The following OSBPL10 variants were observed in gnomAD, a reference collection of about 807,000 sequenced individuals.
OSBPL10 encodes oxysterol binding protein like 10.
In OSBPL10, 49 loss-of-function variants were observed where a neutral mutation model predicts 81.7. The observed-to-expected ratio is 0.60, with a 90% CI of 0.48 to 0.76. OSBPL10 has a LOEUF of 0.76. Among genes scored for constraint, OSBPL10 ranks in the 30% least tolerant of loss-of-function variants. The pLI is 0.00. For missense variants in OSBPL10, 923 were observed against 987.8 expected (o/e 0.93, Z 0.88); for synonymous variants, 419 against 383.6 (o/e 1.09, Z -1.08).
chr3:31,740,013 G>T (rs1697290812), intron 5 of OSBPL10, among the ~76,000 whole-genome samples: 1 of 151,238 alleles, frequency 6.6e-6, no homozygotes, highest in Admixed American at 6.6e-5. Context: ...ATCTCACCCT[G>T]GTCCCAGCTC....
At chr3:32,001,025 T>C (rs1343044923) in intron 2 of OSBPL10, among the ~76,000 whole-genome samples, 7 of 152,140 alleles carry the variant, frequency 4.6e-5, no homozygotes, top group Non-Finnish European at 1.0e-4. Context: ...GTGGACAAGG[T>C]CAATGTGCTA....
chr3:32,066,527 C>T (rs1699782359), intron 1 of OSBPL10: 1 of 152,212 alleles, frequency 6.6e-6, no homozygotes, highest in Non-Finnish European at 1.5e-5. Context: ...CACAGCAAAC[C>T]TGTACCACCT....
chr3:32,072,391 CCTT>C (rs1279062890), intron 1 of OSBPL10, among the ~76,000 whole-genome samples: 1 of 150,584 alleles, frequency 6.6e-6, no homozygotes, highest in African/African-American at 2.4e-5. Flanking sequence ...CAGTTTTTCT[CCTT>C]CTCATCAGTC....
At chr3:31,829,940 C>CA in intron 4 of OSBPL10, 100 bp downstream of exon 4, 3 of 1,245,240 alleles carry the variant, frequency 2.4e-6, no homozygotes, top group Non-Finnish European at 3.3e-6. Context: ...GTCCTCTCTC[C>CA]ATAAATCAAG....
intron 7 of OSBPL10, among the ~76,000 whole-genome samples, chr3:31,688,895 A>G (rs1013490371): frequency 6.6e-6 from 1 of 151,906 alleles, no homozygotes; most frequent in African/African-American, 2.4e-5. Context: ...TCTGCCCCAC[A>G]CTCTTCTGGA....
intron 1 of OSBPL10, among the ~76,000 whole-genome samples, chr3:31,937,427 T>C (rs9881981): frequency 0.59 from 88,995 of 152,056 alleles, 27,207 homozygotes; most frequent in African/African-American, 0.77. Context: ...CCAACTTGCC[T>C]CAAGGCAGAA....
intron 2 of OSBPL10, among the ~76,000 whole-genome samples, chr3:32,031,162 T>C (rs1195859644): frequency 6.9e-6 from 1 of 145,386 alleles, no homozygotes; most frequent in Non-Finnish European, 1.5e-5. Context: ...AGACTCCATC[T>C]CAAAAAAAAA....
In OSBPL10 at chr3:31,963,050, G is replaced by A. The variant is rs537353308; in HGVS notation, c.281+17849C>T. 5.3e-5 allele frequency among the ~76,000 whole-genome samples: 8 copies of A among 152,216 alleles called. No homozygotes were observed. In the South Asian group the frequency reaches 1.7e-3, roughly 32 times the overall value. On this transcript the variant is annotated intron_variant, in intron 1 of 11. Transcript: ENST00000396556. ...TTCCTTGTTTTCTGTTTTTTTAAAT[G>A]TGTACTTTGAAATGACTCAAACTTA...
At chr3:31,911,237 T>C (rs927261202) in intron 1 of OSBPL10, among the ~76,000 whole-genome samples, 10 of 152,252 alleles carry the variant, frequency 6.6e-5, no homozygotes, top group Admixed American at 6.5e-4. Context: ...TTCCAACTAC[T>C]CAACTTCAAC....
At chr3:32,013,466 G>A (rs1378136323) in intron 2 of OSBPL10, among the ~76,000 whole-genome samples, 10 of 152,104 alleles carry the variant, frequency 6.6e-5, no homozygotes, top group Admixed American at 6.5e-4. Flanking sequence ...GAAATTTACA[G>A]CACTAAATGC....
chr3:31,771,292 G>A (rs545001749), intron 4 of OSBPL10, among the ~76,000 whole-genome samples: 1 of 152,190 alleles, frequency 6.6e-6, no homozygotes, highest in South Asian at 2.1e-4. Flanking sequence ...ATTGTGGCAG[G>A]CCAGGTCTAA....
chr3:31,992,163 GAT>G (rs1699040157), intron 2 of OSBPL10, among the ~76,000 whole-genome samples: 1 of 144,798 alleles, frequency 6.9e-6, no homozygotes, highest in Non-Finnish European at 1.5e-5. Context: ...AAAAAAAAAA[GAT>G]ATGTCAGTGT....
chr3:31,918,726 C>T (rs1696827947), intron 1 of OSBPL10, among the ~76,000 whole-genome samples: 1 of 152,082 alleles, frequency 6.6e-6, no homozygotes, highest in African/African-American at 2.4e-5. Context: ...ATTTCCTGTG[C>T]CATGTGGAAT....
At chr3:31,833,383 AAAT>A (rs1700290695) in intron 3 of OSBPL10, among the ~76,000 whole-genome samples, 2 of 152,190 alleles carry the variant, frequency 1.3e-5, no homozygotes, top group African/African-American at 4.8e-5. Context: ...TTAAAAAGAG[AAAT>A]AATAATATTG....
chr3:31,924,646 A>G (rs1309290758), intron 1 of OSBPL10, among the ~76,000 whole-genome samples: 4 of 152,270 alleles, frequency 2.6e-5, no homozygotes, highest in African/African-American at 9.6e-5. Flanking sequence ...CTTGACTTGA[A>G]TATTGAATTC....
chr3:31,733,839 T>C (rs1357205577), intron 5 of OSBPL10, among the ~76,000 whole-genome samples: 1 of 151,588 alleles, frequency 6.6e-6, no homozygotes, highest in Non-Finnish European at 1.5e-5. Flanking sequence ...TGAAACTCCA[T>C]CTCTACTAAA....
rs148652023 is a variant in OSBPL10, at chr3:31,747,800, T to C, written c.940+110A>G. On this transcript the variant is annotated intron_variant, in intron 5 of 11. Transcript: ENST00000396556. ...CAGTAGAAATACTTGGATATAAGGA[T>C]AGATGGATGGATCGTAGAGAAATGG... is the stretch of plus-strand genomic sequence containing the variant. 5.3e-6 allele frequency: 6 copies of C among 1,142,488 alleles called. No homozygotes were observed. The African/African-American group carries it at 7.6e-5, about 14-fold the overall frequency. 70.8% of individuals were successfully genotyped at this position (1,142,488 alleles called of 1,614,324 possible). A position where few individuals can be genotyped will look rare whatever the true frequency, so the allele number is the denominator to read the frequency against.
In OSBPL10 at chr3:31,841,945, C is replaced by CA. The variant is rs143336549; in HGVS notation, c.538-11715dup. Among the ~76,000 whole-genome samples, 1,071 of 152,236 alleles carry CA rather than the reference C, an allele frequency of 7.0e-3. 14 individuals carry two copies. Among genetic ancestry groups the CA allele is most frequent in the African/African-American group, 0.025 (1,035 of 41,550 alleles). ...AAACAGCCATTGAATTAGGTACAGGCATGACAACTAAAAAAGAGTAAAAAC... is the reference window on the plus strand; with the variant it reads ...AAACAGCCATTGAATTAGGTACAGGCAATGACAACTAAAAAAGAGTAAAAAC... On this transcript the variant is annotated intron_variant, in intron 3 of 11. Coordinates refer to ENST00000396556, the MANE Select transcript of OSBPL10 (RefSeq NM_017784.5).
rs150958643 is a variant in OSBPL10 at position 31,925,726 on chromosome 3, G to A, written c.282-45896C>T. 2.4e-3 allele frequency among the ~76,000 whole-genome samples: 358 copies of A among 152,168 alleles called. 2 individuals are homozygous for A. The highest frequency in any genetic ancestry group is 8.0e-3 in the African/African-American group (331 of 41,526). ...TACTTGGGAGGCTGAAGCAGGAGAA[G>A]TGCATGAACCTGGGAGACGGAGGTT... On this transcript the variant is annotated intron_variant, in intron 1 of 11. Transcript: ENST00000396556.
Sources: allele counts gnomAD v4.1 joint callset (sites outside exome capture counted in the v4.1 genomes callset), GRCh38; gene constraint gnomAD v4.1.1; transcripts MANE v1.5; gene names NCBI Gene and HGNC (gene_info 2026-07-23, HGNC 2026-07-21).